The following FANCD2 variants were observed in gnomAD, a reference collection of about 807,000 sequenced individuals.
FANCD2 encodes Fanconi anemia group D2 protein.
In FANCD2, 131 loss-of-function variants were observed where a neutral mutation model predicts 192.3. The ratio of observed to expected loss-of-function variants is 0.68; its 90% CI spans 0.59 to 0.79. FANCD2 has a LOEUF of 0.79. FANCD2 is among the 30% of genes least tolerant of loss of function. The pLI is 0.00. For missense variants in FANCD2, 1,508 were observed against 1,701.6 expected, an observed-to-expected ratio of 0.89 and a Z score of 2.00; for synonymous variants, 524 against 612.5, an observed-to-expected ratio of 0.86 and a Z score of 2.13.
At chr3:10,027,686 A>T (rs1294238962) in intron 1 of FANCD2, among the ~76,000 whole-genome samples, 2 of 151,668 alleles carry the variant, frequency 1.3e-5, no homozygotes, top group African/African-American at 4.8e-5. Context: ...CGGGCGGATT[A>T]TGAGGTTATG....
At chr3:10,051,118 C>T (rs1248555563) in intron 17 of FANCD2, among the ~76,000 whole-genome samples, 3 of 147,556 alleles carry the variant, frequency 2.0e-5, no homozygotes, top group South Asian at 2.2e-4. Context: ...CGGTGGCTCA[C>T]GCCTGTAATC....
chr3:10,058,173 G>A (rs1344116705), intron 18 of FANCD2: 7 of 327,448 alleles, frequency 2.1e-5, no homozygotes, highest in East Asian at 7.6e-5. Flanking sequence ...CCTGTCTTCC[G>A]CACGAAGAGA....
intron 40 of FANCD2, among the ~76,000 whole-genome samples, chr3:10,094,706 TAAAAAA>T (rs950105118): frequency 1.4e-5 from 2 of 147,746 alleles, no homozygotes; most frequent in Non-Finnish European, 3.0e-5. Context: ...GAAATGATTT[TAAAAAA>T]AAAAAAGCTC....
Position 10,097,196 on chromosome 3 carries a change from G to A in FANCD2, c.4185+724G>A, listed in dbSNP as rs147032269. On this transcript the variant is annotated intron_variant, in intron 42 of 43. Coordinates refer to ENST00000675286, the MANE Select transcript of FANCD2 (RefSeq NM_001018115.3). ...GGTGAGATCACATGACCGCAGGACC[G>A]AGGCGAAATTGAAATTGCTAATGAA... Among the ~76,000 whole-genome samples, 446 of 152,320 alleles carry A rather than the reference G, an allele frequency of 2.9e-3. 4 individuals are homozygous for A. The highest frequency in any genetic ancestry group is 0.01 in the African/African-American group (424 of 41,580).
intron 2 of FANCD2, among the ~76,000 whole-genome samples, chr3:10,032,093 C>T (rs553094281): frequency 6.6e-6 from 1 of 152,218 alleles, no homozygotes; most frequent in East Asian, 1.9e-4. Context: ...AATCAGCCTG[C>T]CTCGGCCTCC....
intron 2 of FANCD2, among the ~76,000 whole-genome samples, chr3:10,030,161 A>G (rs552060725): frequency 2.0e-5 from 3 of 148,214 alleles, no homozygotes; most frequent in Non-Finnish European, 4.4e-5. Flanking sequence ...CAGTGGCACA[A>G]TCTTGGCTCA....
rs369404910 is a variant in FANCD2, at chr3:10,057,596, C to T, written c.1657-2698C>T. Among the ~76,000 whole-genome samples the T allele has an allele frequency of 9.2e-5, 14 of 152,240 alleles. 1 individual carries two copies. The East Asian group carries it at 9.7e-4, about 10-fold the overall frequency. ...GCCAGGATGATCTCAATCTCTTAAC[C>T]TCATGATCTGCCTGTCTCAGCCCCT... On this transcript the variant is annotated intron_variant, in intron 18 of 43. Transcript: ENST00000675286.
At chr3:10,028,756 T>C (rs2086519324) in intron 2 of FANCD2, 35 bp downstream of exon 2, 1 of 1,551,798 alleles carries the variant, frequency 6.4e-7, no homozygotes, top group African/African-American at 1.4e-5. Context: ...TTATTTCCTG[T>C]AGCAATGTGT....
intron 26 of FANCD2, among the ~76,000 whole-genome samples, chr3:10,068,976 A>G (rs1419697101): frequency 6.6e-6 from 1 of 152,216 alleles, no homozygotes; most frequent in Non-Finnish European, 1.5e-5. Context: ...ATCTCTTGCC[A>G]TATACAAAAA....
chr3:10,032,490 G>C, intron 2 of FANCD2: 1 of 269,054 alleles, frequency 3.7e-6, no homozygotes, highest in Non-Finnish European at 7.0e-6. Flanking sequence ...GGGGGGAGAT[G>C]GGGGGGTGGT....
intron 18 of FANCD2, among the ~76,000 whole-genome samples, chr3:10,055,835 A>G (rs1283259572): frequency 6.6e-6 from 1 of 151,774 alleles, no homozygotes; most frequent in Non-Finnish European, 1.5e-5. Flanking sequence ...TAATAAATAA[A>G]TAAATAAATA....
At chr3:10,066,311 T>G (rs2087718040) in intron 25 of FANCD2, among the ~76,000 whole-genome samples, 1 of 152,204 alleles carries the variant, frequency 6.6e-6, no homozygotes. Flanking sequence ...GTAGTTTCCC[T>G]CCCATTAGAA....
chr3:10,078,323 G>A (rs1016986329), intron 30 of FANCD2, 126 bp downstream of exon 30: 20 of 729,256 alleles, frequency 2.7e-5, no homozygotes, highest in African/African-American at 1.4e-4. Context: ...GGGTGCAGCC[G>A]TATTGCCAGA....
intron 18 of FANCD2, among the ~76,000 whole-genome samples, chr3:10,055,217 G>C (rs1257418963): frequency 2.0e-5 from 3 of 152,032 alleles, no homozygotes; most frequent in Non-Finnish European, 2.9e-5. Flanking sequence ...GTACAATTTA[G>C]TAGCATTAAG....
At chr3:10,029,749 T>C (rs1163795092) in intron 2 of FANCD2, among the ~76,000 whole-genome samples, 2 of 152,188 alleles carry the variant, frequency 1.3e-5, no homozygotes, top group Non-Finnish European at 2.9e-5. Flanking sequence ...ACCCTTTCTC[T>C]TGAGTATCCA....
At chr3:10,077,191 A>T (rs1481528180) in intron 29 of FANCD2, among the ~76,000 whole-genome samples, 1 of 152,130 alleles carries the variant, frequency 6.6e-6, no homozygotes, top group Non-Finnish European at 1.5e-5. Context: ...TGTGAACACA[A>T]TATTGCACTC....
At chr3:10,036,554 G>A (rs2086735664) in intron 7 of FANCD2, among the ~76,000 whole-genome samples, 1 of 152,034 alleles carries the variant, frequency 6.6e-6, no homozygotes, top group Non-Finnish European at 1.5e-5. Flanking sequence ...GTAACTATTG[G>A]CCTGGTGCAG....
At position 10,063,779 on chromosome 3, in the gene FANCD2, C is replaced by T. The variant is rs748662026; in HGVS notation, c.1828-13C>T. 3 of 1,614,200 alleles carry T rather than the reference C, an allele frequency of 1.9e-6. No individual in the cohort carries two copies. The highest frequency in any genetic ancestry group is 2.5e-6 in the Non-Finnish European group (3 of 1,180,032). ...CAGCCCAAGGTTTAAACCATTCTTC[C>T]TCTTTGCTCCAGGTGACCTCCTTGT... On this transcript the variant is annotated splice_polypyrimidine_tract_variant and intron_variant, in intron 20 of 43. Transcript: ENST00000675286.
intron 3 of FANCD2, among the ~76,000 whole-genome samples, chr3:10,033,698 C>CT (rs34115008): frequency 0.59 from 51,989 of 88,442 alleles, 18,273 homozygotes; most frequent in East Asian, 0.89. Flanking sequence ...AAAGCTAAGT[C>CT]TTTTTTTTTT....
Sources: gnomAD v4.1 joint callset for allele counts (sites outside exome capture counted in the v4.1 genomes callset) on GRCh38, gnomAD v4.1.1 for gene constraint, MANE v1.5 for transcripts, NCBI Gene and HGNC (gene_info 2026-07-23, HGNC 2026-07-21) for gene names.